Variants in CNOT6 observed in about 807,000 individuals in gnomAD.
CNOT6 encodes the protein CCR4-NOT transcription complex subunit 6.
CNOT6 carries 12 observed loss-of-function variants against 61.2 expected under a neutral mutation model. The ratio of observed to expected loss-of-function variants is 0.20; its 90% CI spans 0.13 to 0.32. The LOEUF (loss-of-function observed/expected upper bound fraction) is 0.32. Among genes scored for constraint, CNOT6 ranks in the 10% least tolerant of loss-of-function variants. The pLI, the probability that CNOT6 is intolerant of heterozygous loss-of-function variation, is 1.00. For synonymous variants in CNOT6, 225 were observed against 240.6 expected (o/e 0.94, Z 0.60); for missense variants, 405 against 663.9 (o/e 0.61, Z 4.28).
chr5:180,544,972 AC>A (rs1759240638), intron 2 of CNOT6, among the ~76,000 whole-genome samples: 1 of 152,198 alleles, frequency 6.6e-6, no homozygotes, highest in South Asian at 2.1e-4. Flanking sequence ...CAAAAAAACA[AC>A]AAATTGTTTT....
chr5:180,542,299 C>G (rs1170851447), intron 2 of CNOT6, among the ~76,000 whole-genome samples: 2 of 151,032 alleles, frequency 1.3e-5, no homozygotes, highest in African/African-American at 2.4e-5. Flanking sequence ...GGGTCTCGCT[C>G]TGTCGCCCAG....
At chr5:180,506,312 A>G (rs1173991546) in intron 1 of CNOT6, among the ~76,000 whole-genome samples, 1 of 152,216 alleles carries the variant, frequency 6.6e-6, no homozygotes, top group Non-Finnish European at 1.5e-5. Context: ...ACAAACTCGA[A>G]TCAGACTTGG....
chr5:180,538,863 AGTGAGACCCTCT>A (rs1413177903), intron 2 of CNOT6, among the ~76,000 whole-genome samples: 1 of 151,456 alleles, frequency 6.6e-6, no homozygotes, highest in Non-Finnish European at 1.5e-5. Context: ...TGGGTGATAG[AGTGAGACCCTCT>A]CTCAAAAGAA....
chr5:180,574,882 T>C lies in CNOT6; in HGVS notation c.*682T>C, dbSNP rs1169692809. 1 of 152,882 alleles carries C rather than the reference T, an allele frequency of 6.5e-6. No homozygotes were observed. Among genetic ancestry groups the C allele is most frequent in the Non-Finnish European group, 1.5e-5 (1 of 68,246 alleles). The allele number at this position is 152,882 out of a possible 1,614,324, so 9.5% of individuals were successfully genotyped here. The stretch of plus-strand genomic sequence containing the variant: ...TTTTTAAATTGAGAACATGGTTCTT[T>C]ACATATAAATCTGCTTCAACCTTAG... On this transcript the variant is annotated 3_prime_UTR_variant, in exon 12 of 12. Transcript: ENST00000261951.
chr5:180,571,906 A>G (rs1057047024), intron 11 of CNOT6, among the ~76,000 whole-genome samples: 1 of 152,168 alleles, frequency 6.6e-6, no homozygotes, highest in African/African-American at 2.4e-5. Flanking sequence ...CCATGTGATC[A>G]GTGTCACATC....
chr5:180,539,533 T>C (rs1184663605), intron 2 of CNOT6, among the ~76,000 whole-genome samples: 1 of 145,524 alleles, frequency 6.9e-6, no homozygotes, highest in African/African-American at 2.5e-5. Flanking sequence ...GGGATTTGAC[T>C]TCAGTACTTT....
intron 1 of CNOT6, among the ~76,000 whole-genome samples, chr5:180,495,152 T>G (rs1167986867): frequency 1.3e-5 from 2 of 152,220 alleles, no homozygotes; most frequent in African/African-American, 4.8e-5. Flanking sequence ...GGTGGCGCGC[T>G]GTGTGGAGTG....
chr5:180,555,798 C>A (rs766897999), intron 4 of CNOT6, among the ~76,000 whole-genome samples: 3 of 152,134 alleles, frequency 2.0e-5, no homozygotes, highest in South Asian at 4.1e-4. Flanking sequence ...TGCTATTATA[C>A]GTCATACATT....
At chr5:180,554,461 TAC>T (rs1759777184) in intron 4 of CNOT6, among the ~76,000 whole-genome samples, 2 of 151,028 alleles carry the variant, frequency 1.3e-5, no homozygotes, top group Admixed American at 6.6e-5. Context: ...TTCTTAAAAA[TAC>T]AGTTATATAA....
At chr5:180,499,909 C>T (rs542783593) in intron 1 of CNOT6, among the ~76,000 whole-genome samples, 1 of 152,198 alleles carries the variant, frequency 6.6e-6, no homozygotes, top group East Asian at 1.9e-4. Flanking sequence ...ACTGACTTAG[C>T]TGGTGGGTGT....
Position 180,497,325 on chromosome 5 carries a change from C to CAAAAA in CNOT6, c.-3+2575_-3+2579dup, listed in dbSNP as rs111362029. On this transcript the variant is annotated intron_variant, in intron 1 of 11. Transcript: ENST00000261951. ...CTGGGCAACGAGTGAAACTCCGTCTCAAAAAAAAAAAAAAAAAGTATGCAT... is the reference window on the plus strand; with the variant it reads ...CTGGGCAACGAGTGAAACTCCGTCTCAAAAAAAAAAAAAAAAAAAAAAGTATGCAT... Among the ~76,000 whole-genome samples, 71 of 126,056 alleles carry CAAAAA rather than the reference C, an allele frequency of 5.6e-4. 1 individual carries two copies. Among genetic ancestry groups the CAAAAA allele is most frequent in the Admixed American group, 1.5e-3 (17 of 11,714 alleles). The allele number at this position is 126,056 out of a possible 152,430, so 82.7% of individuals were successfully genotyped here. A position where few individuals can be genotyped will look rare whatever the true frequency, so the allele number is the denominator to read the frequency against.
chr5:180,567,355 A>G (rs918717375), intron 8 of CNOT6, 113 bp downstream of exon 8: 7 of 883,676 alleles, frequency 7.9e-6, no homozygotes, highest in Non-Finnish European at 1.2e-5. Flanking sequence ...TTATTACTGA[A>G]GCAAAGAATA....
rs1176286473 is a variant in CNOT6, at chr5:180,541,440, A to ATTTTTTTTTTT, written c.113-8491_113-8490insTTTTTTTTTTT. 1.3e-3 allele frequency among the ~76,000 whole-genome samples: 131 copies of ATTTTTTTTTTT among 102,976 alleles called. 23 individuals are homozygous for ATTTTTTTTTTT. The highest frequency in any genetic ancestry group is 2.4e-3 in the African/African-American group (65 of 27,430). The allele number at this position is 102,976 out of a possible 152,430, so 67.6% of individuals were successfully genotyped here. On this transcript the variant is annotated intron_variant, in intron 2 of 11. Coordinates refer to ENST00000261951, the MANE Select transcript of CNOT6 (RefSeq NM_001370472.1). ...CATGAACCACCACAACTGGCCAAGAAATTTTTTTTTTTTTTTTTTTTTTTT... is the reference window on the plus strand; with the variant it reads ...CATGAACCACCACAACTGGCCAAGAATTTTTTTTTTTATTTTTTTTTTTTTTTTTTTTTTTT...
At chr5:180,573,891 C>CT (rs1213440741) in intron 11 of CNOT6, 97 bp from the exon 12 acceptor site, 11 of 820,400 alleles carry the variant, frequency 1.3e-5, no homozygotes, top group East Asian at 1.0e-4. Context: ...TTGTTCTGTT[C>CT]TGTTCACCAA....
chr5:180,569,393 A>G (rs1269348792), intron 10 of CNOT6, 53 bp downstream of exon 10: 8 of 1,363,256 alleles, frequency 5.9e-6, no homozygotes, highest in Non-Finnish European at 8.3e-6. Flanking sequence ...AAGATGATTT[A>G]GTAATGTTTT....
At chr5:180,568,620 G>A (rs536426102) in intron 9 of CNOT6, among the ~76,000 whole-genome samples, 1 of 151,794 alleles carries the variant, frequency 6.6e-6, no homozygotes, top group African/African-American at 2.4e-5. Context: ...CTTGAGTTTT[G>A]GATAAATGGA....
intron 10 of CNOT6, among the ~76,000 whole-genome samples, 198 bp downstream of exon 10, chr5:180,569,538 G>A (rs778574611): frequency 5.9e-5 from 9 of 152,048 alleles, no homozygotes; most frequent in East Asian, 1.9e-4. Flanking sequence ...TTGAGGAGAA[G>A]GATGTTAATC....
chr5:180,524,639 C>T (rs951748359), intron 1 of CNOT6, among the ~76,000 whole-genome samples: 11 of 152,120 alleles, frequency 7.2e-5, no homozygotes, highest in Admixed American at 3.3e-4. Flanking sequence ...ATAGAATGAC[C>T]ACAGGTACAG....
At chr5:180,519,326 A>G (rs1311413995) in intron 1 of CNOT6, among the ~76,000 whole-genome samples, 1 of 152,240 alleles carries the variant, frequency 6.6e-6, no homozygotes, top group East Asian at 1.9e-4. Context: ...AATTCCTTGC[A>G]TAGTGAGGTC....
Sources: allele counts gnomAD v4.1 joint callset (sites outside exome capture counted in the v4.1 genomes callset), GRCh38; gene constraint gnomAD v4.1.1; transcripts MANE v1.5; gene names NCBI Gene and HGNC (gene_info 2026-07-23, HGNC 2026-07-21).